The following NFATC1 variants were observed in gnomAD, a reference collection of about 807,000 sequenced individuals.
NFATC1 encodes the protein nuclear factor of activated T cells 1, also known as nuclear factor of activated T-cells, cytoplasmic 1.
In NFATC1, 22 loss-of-function variants were observed where a neutral mutation model predicts 76.0. The observed-to-expected ratio is 0.29, with a 90% CI of 0.21 to 0.41. The LOEUF (loss-of-function observed/expected upper bound fraction) is 0.41, where lower values mean the gene tolerates loss of function less well. Among genes scored for constraint, NFATC1 ranks in the 10% least tolerant of loss-of-function variants. The pLI, the probability that NFATC1 is intolerant of heterozygous loss-of-function variation, is 1.00. For missense variants in NFATC1, 1,357 were observed against 1,337.7 expected (o/e 1.01, Z -0.23); for synonymous variants, 704 against 613.1 (o/e 1.15, Z -2.19).
chr18:79,400,327 C>T, intron 1 of NFATC1: 7 of 1,335,376 alleles, frequency 5.2e-6, no homozygotes, highest in Non-Finnish European at 6.7e-6. Context: ...GCGGGCAGCG[C>T]CGGGAGAACC....
At chr18:79,426,287 G>A (rs76247824) in intron 2 of NFATC1, among the ~76,000 whole-genome samples, 15,697 of 145,936 alleles carry the variant, frequency 0.11, 1,085 homozygotes, top group Non-Finnish European at 0.15. Flanking sequence ...CATCTCTGTC[G>A]CGAGCTTTCG....
At chr18:79,448,725 G>T in intron 3 of NFATC1, 57 bp from the exon 4 acceptor site, 1 of 1,559,836 alleles carries the variant, frequency 6.4e-7, no homozygotes, top group Non-Finnish European at 8.7e-7. Flanking sequence ...GCGTTCCGGT[G>T]ACTCCCGGCG....
chr18:79,429,968 C>T (rs926547525), intron 2 of NFATC1, among the ~76,000 whole-genome samples: 5 of 152,186 alleles, frequency 3.3e-5, no homozygotes, highest in South Asian at 2.1e-4. Flanking sequence ...AAACTGTGAC[C>T]GCTGTGGGGC....
intron 2 of NFATC1, 119 bp from the exon 3 acceptor site, chr18:79,433,460 A>G: frequency 8.4e-7 from 1 of 1,192,298 alleles, no homozygotes; most frequent in South Asian, 1.3e-5. Context: ...TCTCCATGTC[A>G]GGACGTGCAC....
intron 2 of NFATC1, among the ~76,000 whole-genome samples, chr18:79,425,032 TCC>T (rs1328011109): frequency 5.4e-5 from 8 of 148,806 alleles, no homozygotes; most frequent in African/African-American, 1.6e-4. Context: ...TCCATCTCTC[TCC>T]ATCTCTCTCT....
chr18:79,426,706 C>T (rs1019555390), intron 2 of NFATC1, among the ~76,000 whole-genome samples: 3 of 152,264 alleles, frequency 2.0e-5, no homozygotes, highest in Non-Finnish European at 1.5e-5. Context: ...CTGGGTGTTG[C>T]TGCGGGTGTG....
In NFATC1 at chr18:79,411,362, C is replaced by T. The variant is rs777217481; in HGVS notation, c.1087C>T (p.Pro363Ser). Reference protein sequence around the residue: ...VGEDLGSPPPPADFAPEDYSS... With the variant: ...VGEDLGSPPPSADFAPEDYSS... Reference sequence around the variant, plus strand: ...GGAGGACCTGGGCAGCCCCCCGCCCCCGGCCGACTTCGCGCCCGAAGACTA... The same window carrying T: ...GGAGGACCTGGGCAGCCCCCCGCCCTCGGCCGACTTCGCGCCCGAAGACTA... Residue 363 changes from proline (P) to serine (S), a missense_variant, in exon 2 of 10, where the codon CCG becomes TCG. Physicochemically the swap from Pro to Ser is moderately conservative, Grantham distance 74. This residue lies in a region of NFATC1 where 691 missense variants were observed against 613.1 expected (regional missense o/e 1.13). Transcript: ENST00000427363. 2 of 1,589,040 alleles carry T rather than the reference C, an allele frequency of 1.3e-6. No individual in the cohort carries two copies. Among genetic ancestry groups the T allele is most frequent in the Non-Finnish European group, 8.5e-7 (1 of 1,170,226 alleles).
chr18:79,457,717 C>A (rs2087813455), intron 6 of NFATC1, among the ~76,000 whole-genome samples: 1 of 152,230 alleles, frequency 6.6e-6, no homozygotes, highest in Non-Finnish European at 1.5e-5. Context: ...CCTGCTCTCC[C>A]TTCCCCCACC....
In NFATC1 at chr18:79,396,304, T is replaced by G. The variant is rs931577659; in HGVS notation, c.80T>G (p.Leu27Trp). 5 of 1,430,260 alleles carry G rather than the reference T, an allele frequency of 3.5e-6. No homozygotes were observed. Among genetic ancestry groups the G allele is most frequent in the Non-Finnish European group, 4.6e-6 (5 of 1,077,978 alleles). 88.6% of individuals were successfully genotyped at this position (1,430,260 alleles called of 1,614,324 possible). Residue 27 changes from leucine (L) to tryptophan (W), a missense_variant, in exon 1 of 10, where the codon TTG (leucine) becomes TGG (tryptophan). Physicochemically the swap from Leu to Trp is moderately conservative, Grantham distance 61. Around this residue, in one of 3 missense-constraint regions of NFATC1, gnomAD observed 691 missense variants for 613.1 expected, o/e 1.13. Coordinates refer to ENST00000427363, the MANE Select transcript of NFATC1 (RefSeq NM_001278669.2). ...AAAVFGRGET[L>W]GPAPRAGGTM... ...GCGGTCTTCGGGAGAGGAGAAACTTTGGGGCCCGCGCCGCGCGCCGGCGGC... is the reference window on the plus strand; with the variant it reads ...GCGGTCTTCGGGAGAGGAGAAACTTGGGGGCCCGCGCCGCGCGCCGGCGGC...
At chr18:79,485,540 G>A (rs938967218) in intron 8 of NFATC1, among the ~76,000 whole-genome samples, 2 of 152,232 alleles carry the variant, frequency 1.3e-5, no homozygotes, top group Admixed American at 6.5e-5. Flanking sequence ...GCTCTGGCCC[G>A]GGCCTGGCGG....
intron 3 of NFATC1, among the ~76,000 whole-genome samples, chr18:79,441,248 G>GTGC (rs2086964722): frequency 6.6e-6 from 1 of 152,206 alleles, no homozygotes; most frequent in African/African-American, 2.4e-5. Flanking sequence ...AGGGGCAGGG[G>GTGC]TGCTGCTGGA....
chr18:79,507,490 C>T (rs1217806108), intron 9 of NFATC1, among the ~76,000 whole-genome samples: 4 of 152,236 alleles, frequency 2.6e-5, no homozygotes, highest in Non-Finnish European at 4.4e-5. Context: ...AGCCCCTGCC[C>T]TCCGGGGCAG....
chr18:79,483,583 G>C (rs561726006), intron 8 of NFATC1, among the ~76,000 whole-genome samples: 16 of 119,594 alleles, frequency 1.3e-4, no homozygotes, highest in African/African-American at 4.9e-4. Context: ...GGCGTGACCT[G>C]GTTCCTGGGG....
intron 2 of NFATC1, among the ~76,000 whole-genome samples, chr18:79,429,153 G>A (rs1184046735): frequency 4.0e-5 from 6 of 151,586 alleles, no homozygotes; most frequent in East Asian, 3.9e-4. Context: ...CCTGGGAGGC[G>A]GAGGCTGCAG....
intron 4 of NFATC1, among the ~76,000 whole-genome samples, chr18:79,450,368 G>A (rs2087414516): frequency 6.7e-6 from 1 of 149,556 alleles, no homozygotes; most frequent in Admixed American, 6.7e-5. Flanking sequence ...AAATATAGTG[G>A]AAATAATAGA....
intron 9 of NFATC1, among the ~76,000 whole-genome samples, chr18:79,518,824 G>A (rs779228929): frequency 1.3e-5 from 2 of 152,240 alleles, no homozygotes; most frequent in East Asian, 1.9e-4. Context: ...CTCAGTGGAC[G>A]GCCGTTGATT....
At chr18:79,455,198 C>G (rs1283626774) in intron 6 of NFATC1, among the ~76,000 whole-genome samples, 1 of 152,234 alleles carries the variant, frequency 6.6e-6, no homozygotes, top group Non-Finnish European at 1.5e-5. Context: ...TTAAAAACAT[C>G]AGCGAAGCCT....
chr18:79,399,727 C>T (rs971153311), intron 1 of NFATC1, among the ~76,000 whole-genome samples: 1 of 151,832 alleles, frequency 6.6e-6, no homozygotes, highest in Non-Finnish European at 1.5e-5. Context: ...AGGCTGGGGA[C>T]TCGCAGGAGA....
At chr18:79,504,549 T>G (rs545192687) in intron 9 of NFATC1, among the ~76,000 whole-genome samples, 12 of 152,298 alleles carry the variant, frequency 7.9e-5, no homozygotes, top group African/African-American at 2.4e-4. Context: ...GCAGCAGATA[T>G]GATAGCAATG....
Sources: gnomAD v4.1 joint callset for allele counts (sites outside exome capture counted in the v4.1 genomes callset) on GRCh38, gnomAD v4.1.1 for gene constraint, gnomAD v4.1.1 regional missense constraint, MANE v1.5 for transcripts, NCBI Gene and HGNC (gene_info 2026-07-23, HGNC 2026-07-21) for gene names.